Variants in SMOC2 observed in about 807,000 individuals in gnomAD.
The protein encoded by SMOC2 is SPARC-related modular calcium-binding protein 2.
SMOC2 carries 39 observed loss-of-function variants against 61.4 expected under a neutral mutation model. That is an observed-to-expected ratio of 0.64 (90% CI 0.49 to 0.83). The LOEUF (loss-of-function observed/expected upper bound fraction) is 0.83, where lower values mean the gene tolerates loss of function less well. Ranked by LOEUF, SMOC2 falls within the 40% of genes least tolerant of loss-of-function variation. The pLI is 0.00. For missense variants in SMOC2, 556 were observed against 592.9 expected, an observed-to-expected ratio of 0.94 and a Z score of 0.65; for synonymous variants, 247 against 239.9, an observed-to-expected ratio of 1.03 and a Z score of -0.27.
chr6:168,474,605 A>G (rs73270987), intron 1 of SMOC2, among the ~76,000 whole-genome samples: 6,434 of 152,142 alleles, frequency 0.042, 403 homozygotes, highest in African/African-American at 0.14. Flanking sequence ...GTGTCTGTCC[A>G]CTGAAACCTC....
intron 1 of SMOC2, among the ~76,000 whole-genome samples, chr6:168,461,974 C>T (rs1241481205): frequency 1.3e-5 from 2 of 152,208 alleles, no homozygotes; most frequent in African/African-American, 4.8e-5. Context: ...GTCACTAACA[C>T]TTTCTCTCCC....
At chr6:168,458,086 G>C (rs987753932) in intron 1 of SMOC2, among the ~76,000 whole-genome samples, 1 of 152,174 alleles carries the variant, frequency 6.6e-6, no homozygotes, top group South Asian at 2.1e-4. Flanking sequence ...GAAGGCTGGG[G>C]GGATGTCATG....
rs1052246088 is a variant in SMOC2 at position 168,535,042 on chromosome 6, CTCA to C, written c.463+7316_463+7318del. On this transcript the variant is annotated intron_variant, in intron 4 of 12. Coordinates refer to ENST00000356284, the MANE Select transcript of SMOC2 (RefSeq NM_001166412.2). The surrounding 1 kb of genome is among the most constrained non-coding windows in gnomAD (Gnocchi z 4.6). ...CTGGAGTGCAGTGGCACAATCTCGG[CTCA>C]CTGCAACCTCCGCCTCCGGGGTTCA... Among the ~76,000 whole-genome samples, 1 of 152,108 alleles carries C rather than the reference CTCA, an allele frequency of 6.6e-6. No individual in the cohort carries two copies. Among genetic ancestry groups the C allele is most frequent in the African/African-American group, 2.4e-5 (1 of 41,414 alleles).
chr6:168,519,602 A>G (rs1783278442), intron 2 of SMOC2, among the ~76,000 whole-genome samples: 1 of 151,936 alleles, frequency 6.6e-6, no homozygotes, highest in African/African-American at 2.4e-5. Flanking sequence ...TCGCACATCC[A>G]AAGGGCCTTT....
At chr6:168,624,062 G>A (rs926656880) in intron 9 of SMOC2, among the ~76,000 whole-genome samples, 1 of 152,194 alleles carries the variant, frequency 6.6e-6, no homozygotes, top group Non-Finnish European at 1.5e-5. Flanking sequence ...CTTCCCACAG[G>A]GCCGTTCTTA....
intron 9 of SMOC2, among the ~76,000 whole-genome samples, chr6:168,618,299 G>A (rs974459395): frequency 6.6e-6 from 1 of 152,260 alleles, no homozygotes; most frequent in African/African-American, 2.4e-5. Flanking sequence ...CAATGGCAAA[G>A]AGCCAGCGTA....
intron 9 of SMOC2, among the ~76,000 whole-genome samples, chr6:168,640,105 T>G (rs1385704572): frequency 6.6e-6 from 1 of 152,186 alleles, no homozygotes; most frequent in Non-Finnish European, 1.5e-5. Context: ...GATGGATCAC[T>G]GGTCAGCCCT....
chr6:168,592,199 C>T (rs1201456551), intron 7 of SMOC2, among the ~76,000 whole-genome samples: 1 of 152,228 alleles, frequency 6.6e-6, no homozygotes. Flanking sequence ...TGCCATCCTG[C>T]TTCTCTCAAT....
At chr6:168,521,911 G>A (rs960068802) in intron 2 of SMOC2, among the ~76,000 whole-genome samples, 6 of 152,106 alleles carry the variant, frequency 3.9e-5, no homozygotes, top group African/African-American at 1.4e-4. Context: ...GCCTTGCTAA[G>A]CAATGATGAG....
chr6:168,597,551 C>T (rs1030445024), intron 7 of SMOC2, among the ~76,000 whole-genome samples: 1 of 152,240 alleles, frequency 6.6e-6, no homozygotes, highest in Non-Finnish European at 1.5e-5. Context: ...TATGGCAGTG[C>T]TGAGCAGCTC....
At chr6:168,542,460 TTTAG>T (rs1783893927) in intron 4 of SMOC2, among the ~76,000 whole-genome samples, 1 of 152,192 alleles carries the variant, frequency 6.6e-6, no homozygotes, top group Non-Finnish European at 1.5e-5. Flanking sequence ...ACGCATATTA[TTTAG>T]TTATTTTTAG....
At chr6:168,584,770 T>C (rs1049117992) in intron 7 of SMOC2, among the ~76,000 whole-genome samples, 7 of 151,982 alleles carry the variant, frequency 4.6e-5, no homozygotes, top group Non-Finnish European at 8.8e-5. Flanking sequence ...ATGGAGAGCA[T>C]CGATGTAGAG....
At chr6:168,644,489 C>T (rs1786973627) in intron 9 of SMOC2, among the ~76,000 whole-genome samples, 1 of 152,046 alleles carries the variant, frequency 6.6e-6, no homozygotes, top group African/African-American at 2.4e-5. Flanking sequence ...GACAGATGCC[C>T]CTTATTTGGT....
Position 168,623,475 on chromosome 6 carries a change from C to A in SMOC2, c.907+15236C>A, listed in dbSNP as rs1035241424. On this transcript the variant is annotated intron_variant, in intron 9 of 12. Coordinates refer to ENST00000356284, the MANE Select transcript of SMOC2 (RefSeq NM_001166412.2). Reference sequence around the variant, plus strand: ...GAGTAACTAGGACTACACACCACCCCACCTGGCTTATTTATTTATTTATTT... The same window carrying A: ...GAGTAACTAGGACTACACACCACCCAACCTGGCTTATTTATTTATTTATTT... Among the ~76,000 whole-genome samples the A allele has an allele frequency of 1.3e-4, 17 of 132,442 alleles. 1 individual carries two copies. In the Admixed American group the frequency reaches 1.4e-3, roughly 11 times the overall value. 86.9% of individuals were successfully genotyped at this position (132,442 alleles called of 152,430 possible). A position where few individuals can be genotyped will look rare whatever the true frequency, so the allele number is the denominator to read the frequency against.
intron 2 of SMOC2, among the ~76,000 whole-genome samples, chr6:168,524,542 T>G (rs1377570268): frequency 6.6e-6 from 1 of 152,198 alleles, no homozygotes; most frequent in South Asian, 2.1e-4. Context: ...CCATGATAGC[T>G]CAAATATTAG....
chr6:168,600,349 G>A (rs1200963645), intron 8 of SMOC2, among the ~76,000 whole-genome samples: 2 of 149,816 alleles, frequency 1.3e-5, no homozygotes, highest in Non-Finnish European at 3.0e-5. Flanking sequence ...GGAGGTTGCA[G>A]TGAGCCAAGA....
intron 1 of SMOC2, among the ~76,000 whole-genome samples, chr6:168,503,325 G>C (rs916571398): frequency 6.6e-6 from 1 of 151,786 alleles, no homozygotes; most frequent in Admixed American, 6.6e-5. Flanking sequence ...TGATTTGCCT[G>C]CCTCGGCCTC....
intron 1 of SMOC2, among the ~76,000 whole-genome samples, chr6:168,484,422 G>A (rs1782282988): frequency 6.6e-6 from 1 of 152,130 alleles, no homozygotes; most frequent in South Asian, 2.1e-4. Flanking sequence ...AATAGCTACT[G>A]TTTTAAAAAC....
chr6:168,582,645 T>C (rs973967994), intron 7 of SMOC2, among the ~76,000 whole-genome samples: 1 of 152,160 alleles, frequency 6.6e-6, no homozygotes, highest in Admixed American at 6.5e-5. Flanking sequence ...GAAGCTTTCT[T>C]TGGACGGTCC....
Sources: gnomAD v4.1 joint callset for allele counts (sites outside exome capture counted in the v4.1 genomes callset) on GRCh38, gnomAD v4.1.1 for gene constraint, Gnocchi (gnomAD v3.1) non-coding constraint, MANE v1.5 for transcripts, NCBI Gene and HGNC (gene_info 2026-07-23, HGNC 2026-07-21) for gene names.